Variants in LARGE1 observed in about 807,000 individuals in gnomAD.
LARGE1 encodes the protein LARGE xylosyl- and glucuronyltransferase 1.
LARGE1 carries 43 observed loss-of-function variants against 87.6 expected under a neutral mutation model. The observed-to-expected ratio is 0.49, with a 90% CI of 0.38 to 0.63. The LOEUF (loss-of-function observed/expected upper bound fraction) is 0.63. Ranked by LOEUF, LARGE1 falls within the 30% of genes least tolerant of loss-of-function variation. The pLI is 0.00. For missense variants in LARGE1, 802 were observed against 1,000.2 expected, an observed-to-expected ratio of 0.80 and a Z score of 2.67; for synonymous variants, 434 against 394.6, an observed-to-expected ratio of 1.10 and a Z score of -1.18.
intron 12 of LARGE1, among the ~76,000 whole-genome samples, chr22:33,296,219 T>C (rs999327957): frequency 3.3e-5 from 5 of 152,208 alleles, no homozygotes; most frequent in African/African-American, 1.2e-4. Context: ...AGGGCAGCTG[T>C]GCGGCAGACT....
At chr22:33,078,890 G>C in the LARGE1 span, among the ~76,000 whole-genome samples, 1 of 152,212 alleles carries the variant, frequency 6.6e-6, no homozygotes, top group Admixed American at 6.5e-5. Context: ...GATGTCTCTT[G>C]ATCTAAGTTT....
At chr22:33,292,124 C>T (rs576203999) in intron 12 of LARGE1, among the ~76,000 whole-genome samples, 99 of 152,046 alleles carry the variant, frequency 6.5e-4, no homozygotes, top group Admixed American at 3.2e-3. Flanking sequence ...CAAACAAAAC[C>T]CACAAAGAAC....
chr22:33,101,390 C>T, the LARGE1 span, among the ~76,000 whole-genome samples: 1 of 152,156 alleles, frequency 6.6e-6, no homozygotes, highest in African/African-American at 2.4e-5. Flanking sequence ...ATAATAATAT[C>T]TTAGAATGCT....
chr22:33,671,958 T>C (rs2081428093), intron 2 of LARGE1, among the ~76,000 whole-genome samples: 1 of 152,222 alleles, frequency 6.6e-6, no homozygotes, highest in African/African-American at 2.4e-5. Context: ...TGAAGATGTT[T>C]TACCTTTCAA....
chr22:33,642,599 T>C (rs549076102), intron 3 of LARGE1, among the ~76,000 whole-genome samples: 5 of 150,782 alleles, frequency 3.3e-5, no homozygotes, highest in Admixed American at 2.7e-4. Context: ...GCAAATTGGA[T>C]AGAGTCAAGA....
At chr22:33,570,701 C>T (rs2078172443) in intron 5 of LARGE1, among the ~76,000 whole-genome samples, 1 of 151,462 alleles carries the variant, frequency 6.6e-6, no homozygotes, top group Non-Finnish European at 1.5e-5. Context: ...AATGCAAAGT[C>T]CCTCCCTCTG....
chr22:33,857,816 T>C (rs1214647512), intron 1 of LARGE1, among the ~76,000 whole-genome samples: 2 of 152,156 alleles, frequency 1.3e-5, no homozygotes, highest in African/African-American at 4.8e-5. Context: ...AGTTCAACCA[T>C]TGTGGAAGAC....
the LARGE1 span, among the ~76,000 whole-genome samples, chr22:33,094,241 C>T: frequency 5.7e-4 from 86 of 152,186 alleles, 1 homozygote; most frequent in African/African-American, 2.0e-3. Flanking sequence ...TGGAACATGA[C>T]GAGAGCTGGT....
intron 10 of LARGE1, among the ~76,000 whole-genome samples, chr22:33,329,179 GA>G (rs1020717846): frequency 6.6e-5 from 10 of 152,198 alleles, no homozygotes; most frequent in Non-Finnish European, 7.3e-5. Context: ...GTGCTGTTTT[GA>G]GGAGGATAAA....
At chr22:33,772,885 G>C (rs1320231564) in intron 1 of LARGE1, among the ~76,000 whole-genome samples, 1 of 151,876 alleles carries the variant, frequency 6.6e-6, no homozygotes, top group Non-Finnish European at 1.5e-5. Flanking sequence ...GAACGAATGT[G>C]CCATCATCAG....
At chr22:33,534,584 G>GC (rs1356354229) in intron 6 of LARGE1, among the ~76,000 whole-genome samples, 1 of 152,188 alleles carries the variant, frequency 6.6e-6, no homozygotes, top group Non-Finnish European at 1.5e-5. Flanking sequence ...AATGGCGACT[G>GC]CAAGTGTCAA....
chr22:33,315,541 T>C (rs978301782), intron 11 of LARGE1, among the ~76,000 whole-genome samples: 1 of 152,150 alleles, frequency 6.6e-6, no homozygotes, highest in Non-Finnish European at 1.5e-5. Context: ...CTTTCATCTA[T>C]CCTCAGACAA....
Position 33,385,788 on chromosome 22 carries a change from A to G in LARGE1, c.893-1484T>C, listed in dbSNP as rs903021717. On this transcript the variant is annotated intron_variant, in intron 7 of 14. Transcript: ENST00000397394. ...GAACTGTAGCACCCAGAGGCCCCCA[A>G]ATCAATCCTCTTCAGGATGCTTAGC... Among the ~76,000 whole-genome samples, 6 of 147,872 alleles carry G rather than the reference A, an allele frequency of 4.1e-5. 1 individual carries two copies. The highest frequency in any genetic ancestry group is 4.0e-4 in the Admixed American group (6 of 14,836).
At chr22:33,099,496 C>G in the LARGE1 span, among the ~76,000 whole-genome samples, 1 of 152,146 alleles carries the variant, frequency 6.6e-6, no homozygotes, top group South Asian at 2.1e-4. Flanking sequence ...AGGTGATCTA[C>G]CTGCCTTGGC....
At chr22:33,582,618 G>C (rs1306099617) in intron 5 of LARGE1, among the ~76,000 whole-genome samples, 1 of 152,214 alleles carries the variant, frequency 6.6e-6, no homozygotes, top group Non-Finnish European at 1.5e-5. Context: ...CAACAAGAGG[G>C]ATTACGCCTT....
intron 5 of LARGE1, among the ~76,000 whole-genome samples, chr22:33,593,571 G>A (rs541724219): frequency 4.6e-5 from 7 of 152,114 alleles, no homozygotes; most frequent in Non-Finnish European, 8.8e-5. Context: ...TTACCACGTA[G>A]TGTTAAAAGC....
At chr22:33,324,300 C>T (rs1349974897) in intron 10 of LARGE1, among the ~76,000 whole-genome samples, 3 of 128,830 alleles carry the variant, frequency 2.3e-5, no homozygotes, top group Non-Finnish European at 4.8e-5. Flanking sequence ...AAACAACCCC[C>T]CCCCCAAAAC....
At chr22:33,178,963 A>G (rs11913261) in intron 11 of LARGE1, among the ~76,000 whole-genome samples, 25,395 of 152,188 alleles carry the variant, frequency 0.17, 2,277 homozygotes, top group South Asian at 0.32. Context: ...GCATGATACC[A>G]GCATCTGGTG....
intron 9 of LARGE1, among the ~76,000 whole-genome samples, chr22:33,365,616 CTTT>C (rs199897896): frequency 2.9e-5 from 4 of 139,250 alleles, no homozygotes; most frequent in Admixed American, 7.2e-5. Context: ...GCTTTTCTCT[CTTT>C]TTTTTTTTTT....
Sources: gnomAD v4.1 joint callset for allele counts (sites outside exome capture counted in the v4.1 genomes callset) on GRCh38, gnomAD v4.1.1 for gene constraint, MANE v1.5 for transcripts, NCBI Gene and HGNC (gene_info 2026-07-23, HGNC 2026-07-21) for gene names.